Variants in ANKHD1 observed in about 807,000 individuals in gnomAD.
The protein encoded by ANKHD1 is ankyrin repeat and KH domain containing 1.
ANKHD1 carries 31 observed loss-of-function variants against 230.5 expected under a neutral mutation model. The observed-to-expected ratio is 0.13, with a 90% CI of 0.10 to 0.18. ANKHD1 has a LOEUF of 0.18. ANKHD1 is among the 10% of genes least tolerant of loss of function. ANKHD1 has a pLI of 1.00. For synonymous variants in ANKHD1, 1,074 were observed against 1,117.6 expected, an observed-to-expected ratio of 0.96 and a Z score of 0.78; for missense variants, 2,256 against 3,071.3, an observed-to-expected ratio of 0.73 and a Z score of 6.27.
intron 1 of ANKHD1, among the ~76,000 whole-genome samples, chr5:140,428,805 C>T (rs1015091089): frequency 9.2e-5 from 14 of 151,728 alleles, no homozygotes; most frequent in African/African-American, 2.9e-4. Flanking sequence ...TTTATTGAGA[C>T]GGAGTCTTGC....
rs776172528 is a variant in ANKHD1 at position 140,524,161 on chromosome 5, GGAA to G, written c.4419_4421del (p.Glu1473del). On this transcript the variant is annotated inframe_deletion, in exon 25 of 34. Coordinates refer to ENST00000360839, the MANE Select transcript of ANKHD1 (RefSeq NM_017747.3). ...AAAAAGAGGAACAGAAAAGGAAACA[GGAA>G]GAAGATGAAGAAAACAAACCTAAGG... 1.4e-5 allele frequency: 22 copies of G among 1,599,884 alleles called. No homozygotes were observed. The African/African-American group carries it at 2.4e-4, about 18-fold the overall frequency.
At chr5:140,501,564 A>G (rs1184480663) in intron 15 of ANKHD1, among the ~76,000 whole-genome samples, 2 of 151,966 alleles carry the variant, frequency 1.3e-5, no homozygotes, top group East Asian at 3.9e-4. Context: ...CCTGGCTAAC[A>G]CAGTGAAACC....
chr5:140,434,501 A>G, intron 1 of ANKHD1, among the ~76,000 whole-genome samples: 1 of 150,664 alleles, frequency 6.6e-6, no homozygotes, highest in South Asian at 2.1e-4. Context: ...TATGATATAC[A>G]TTACATATAT....
At chr5:140,410,906 A>G (rs1770871841) in intron 1 of ANKHD1, among the ~76,000 whole-genome samples, 2 of 152,350 alleles carry the variant, frequency 1.3e-5, no homozygotes, top group Non-Finnish European at 1.5e-5. Flanking sequence ...TAATGAATCT[A>G]AAAAACAAAA....
chr5:140,411,447 C>G (rs76306733), intron 1 of ANKHD1, among the ~76,000 whole-genome samples: 1 of 150,154 alleles, frequency 6.7e-6, no homozygotes, highest in Non-Finnish European at 1.5e-5. Context: ...TTATAAATGC[C>G]TCTTTCAAAC....
At chr5:140,417,428 A>C (rs970900669) in intron 1 of ANKHD1, among the ~76,000 whole-genome samples, 6 of 151,484 alleles carry the variant, frequency 4.0e-5, no homozygotes, top group Non-Finnish European at 5.9e-5. Context: ...TTAATTAAAA[A>C]ATTTTTTAAT....
chr5:140,495,068 C>T (rs1215486085), intron 14 of ANKHD1, among the ~76,000 whole-genome samples: 2 of 152,130 alleles, frequency 1.3e-5, no homozygotes, highest in Non-Finnish European at 2.9e-5. Flanking sequence ...TAACCTCAGG[C>T]AGCCACTACT....
chr5:140,458,433 C>A (rs1775383223), intron 7 of ANKHD1, among the ~76,000 whole-genome samples, 192 bp from the exon 8 acceptor site: 1 of 152,126 alleles, frequency 6.6e-6, no homozygotes, highest in South Asian at 2.1e-4. Context: ...TTGAAAATTA[C>A]TTAAAAGCAA....
rs111306701 is a variant in ANKHD1 at position 140,414,086 on chromosome 5, G to T, written c.306+11813G>T. ...GTGAGCCACTGTGCCCGGTCTATCT[G>T]TTCATCTGTTGATGGACACTTGGAT... On this transcript the variant is annotated intron_variant, in intron 1 of 33. Coordinates refer to ENST00000360839, the MANE Select transcript of ANKHD1 (RefSeq NM_017747.3). Among the ~76,000 whole-genome samples, 693 of 152,184 alleles carry T rather than the reference G, an allele frequency of 4.6e-3. 2 individuals are homozygous for T. The highest frequency in any genetic ancestry group is 6.5e-3 in the Admixed American group (100 of 15,268).
intron 1 of ANKHD1, among the ~76,000 whole-genome samples, chr5:140,413,359 A>G (rs962895485): frequency 1.3e-5 from 2 of 152,164 alleles, no homozygotes; most frequent in Non-Finnish European, 2.9e-5. Context: ...TTATACTTTA[A>G]CCACTGTACA....
At chr5:140,493,880 C>T (rs931364895) in intron 14 of ANKHD1, among the ~76,000 whole-genome samples, 1 of 152,124 alleles carries the variant, frequency 6.6e-6, no homozygotes, top group African/African-American at 2.4e-5. Context: ...CAAAATTCTA[C>T]TCTTATTTTG....
intron 1 of ANKHD1, among the ~76,000 whole-genome samples, chr5:140,403,191 A>G (rs1265341165): frequency 6.6e-6 from 1 of 150,636 alleles, no homozygotes; most frequent in African/African-American, 2.4e-5. Flanking sequence ...CTGGTCTCGA[A>G]CTCCTGACCT....
intron 13 of ANKHD1, among the ~76,000 whole-genome samples, chr5:140,486,359 C>T (rs778922970): frequency 7.2e-5 from 11 of 152,116 alleles, no homozygotes; most frequent in Admixed American, 2.0e-4. Flanking sequence ...GCCACATGCC[C>T]GGCCGAGAAA....
At chr5:140,416,718 C>T (rs1229066672) in intron 1 of ANKHD1, among the ~76,000 whole-genome samples, 1 of 152,032 alleles carries the variant, frequency 6.6e-6, no homozygotes, top group Non-Finnish European at 1.5e-5. Context: ...CTCCTGGCCT[C>T]AAGTGATCCT....
intron 10 of ANKHD1, among the ~76,000 whole-genome samples, chr5:140,478,021 A>G (rs1271047700): frequency 6.6e-6 from 1 of 152,210 alleles, no homozygotes; most frequent in East Asian, 1.9e-4. Context: ...GAATATACCT[A>G]AAGTTGTCCT....
intron 1 of ANKHD1, among the ~76,000 whole-genome samples, chr5:140,407,898 C>T (rs913729792): frequency 3.3e-5 from 5 of 151,916 alleles, no homozygotes; most frequent in South Asian, 4.1e-4. Flanking sequence ...CAAAAGTGGC[C>T]GGGCGCGGTG....
At chr5:140,458,240 G>A (rs1489492504) in intron 7 of ANKHD1, among the ~76,000 whole-genome samples, 1 of 152,108 alleles carries the variant, frequency 6.6e-6, no homozygotes, top group African/African-American at 2.4e-5. Context: ...TTGAGGGTAT[G>A]ACTGTATTTG....
At chr5:140,418,329 G>A (rs1309335548) in intron 1 of ANKHD1, among the ~76,000 whole-genome samples, 2 of 151,696 alleles carry the variant, frequency 1.3e-5, no homozygotes, top group Non-Finnish European at 2.9e-5. Flanking sequence ...TGTATTTTTT[G>A]TAGAGTCAGG....
chr5:140,499,871 C>CTT (rs543786978), intron 15 of ANKHD1, among the ~76,000 whole-genome samples: 7 of 140,458 alleles, frequency 5.0e-5, no homozygotes, highest in African/African-American at 1.0e-4. Flanking sequence ...AATTTTCTTT[C>CTT]TTTTTTTTTT....
Sources: gnomAD v4.1 joint callset for allele counts (sites outside exome capture counted in the v4.1 genomes callset) on GRCh38, gnomAD v4.1.1 for gene constraint, MANE v1.5 for transcripts, NCBI Gene and HGNC (gene_info 2026-07-23, HGNC 2026-07-21) for gene names.